WWC1: variants seen among roughly 807,000 people sequenced by gnomAD.
WWC1 encodes the protein protein KIBRA.
WWC1 carries 55 observed loss-of-function variants against 138.4 expected under a neutral mutation model. The ratio of observed to expected loss-of-function variants is 0.40; its 90% CI spans 0.32 to 0.50. WWC1 has a LOEUF of 0.50. Among genes scored for constraint, WWC1 ranks in the 20% least tolerant of loss-of-function variants. WWC1 has a pLI of 0.72. For synonymous variants in WWC1, 524 were observed against 564.9 expected, an observed-to-expected ratio of 0.93 and a Z score of 1.03; for missense variants, 1,226 against 1,420.4, an observed-to-expected ratio of 0.86 and a Z score of 2.20.
At chr5:168,448,326 C>T (rs1370327756) in intron 17 of WWC1, among the ~76,000 whole-genome samples, 1 of 152,200 alleles carries the variant, frequency 6.6e-6, no homozygotes, top group Non-Finnish European at 1.5e-5. Flanking sequence ...CACCCAAAAC[C>T]CGGCGTGTCA....
chr5:168,316,267 G>A (rs993044033), intron 1 of WWC1, among the ~76,000 whole-genome samples: 12 of 152,196 alleles, frequency 7.9e-5, no homozygotes, highest in Non-Finnish European at 1.5e-4. Context: ...TGTCTTCATC[G>A]CATCAGTGAA....
Position 168,292,345 on chromosome 5 carries a change from C to A in WWC1, c.119+74C>A. 1 of 1,516,358 alleles carries A rather than the reference C, an allele frequency of 6.6e-7. No individual in the cohort carries two copies. Among genetic ancestry groups the A allele is most frequent in the Non-Finnish European group, 8.9e-7 (1 of 1,126,584 alleles). The allele number at this position is 1,516,358 out of a possible 1,614,324, so 93.9% of individuals were successfully genotyped here. A position where few individuals can be genotyped will look rare whatever the true frequency, so the allele number is the denominator to read the frequency against. On this transcript the variant is annotated intron_variant, in intron 1 of 22. Transcript: ENST00000265293. This position sits in a 1 kb window ranked among gnomAD's most constrained non-coding sequence, Gnocchi z 4.4. ...CCCACCTGCCCCTGGAGCCGCCGGC[C>A]GGGACTGGGAGGGGGCAGGGGAGCT...
chr5:168,426,352 C>G (rs1399805187), intron 11 of WWC1, among the ~76,000 whole-genome samples: 1 of 152,150 alleles, frequency 6.6e-6, no homozygotes, highest in Non-Finnish European at 1.5e-5. Context: ...TAAGCCAAGT[C>G]AGGACACTCA....
intron 17 of WWC1, among the ~76,000 whole-genome samples, chr5:168,451,088 G>A (rs1363020445): frequency 8.4e-6 from 1 of 118,994 alleles, no homozygotes; most frequent in East Asian, 2.0e-4. Flanking sequence ...CTGCAATCTC[G>A]GCTCACTGCA....
intron 20 of WWC1, 122 bp downstream of exon 20, chr5:168,460,864 T>G: frequency 9.7e-7 from 1 of 1,035,370 alleles, no homozygotes; most frequent in South Asian, 1.5e-5. Flanking sequence ...GCTAGAAAAA[T>G]GTTGCTCTCT....
chr5:168,359,037 TGTGTGTGTG>T (rs2152798434), intron 1 of WWC1, among the ~76,000 whole-genome samples: 1 of 18,112 alleles, frequency 5.5e-5, no homozygotes, highest in South Asian at 2.7e-3. Flanking sequence ...TGGTGGGGTG[TGTGTGTGTG>T]TGTGTGTGTG....
intron 15 of WWC1, among the ~76,000 whole-genome samples, chr5:168,441,037 A>G (rs1223778719): frequency 6.6e-6 from 1 of 152,206 alleles, no homozygotes; most frequent in African/African-American, 2.4e-5. Context: ...GCATCACCGC[A>G]CTCCAGCCTG....
Position 168,381,630 on chromosome 5 carries a change from A to G in WWC1, c.230-3581A>G, listed in dbSNP as rs1777639134. Among the ~76,000 whole-genome samples, 3 of 152,218 alleles carry G rather than the reference A, an allele frequency of 2.0e-5. 1 individual carries two copies. In the South Asian group the frequency reaches 6.2e-4, roughly 32 times the overall value. On this transcript the variant is annotated intron_variant, in intron 2 of 22. Transcript: ENST00000265293. Reference sequence around the variant, plus strand: ...TTCTCCCGGGTGATTCTAATGTTCAACCAGGGGCTCTCAGCTATATCTGCA... The same window carrying G: ...TTCTCCCGGGTGATTCTAATGTTCAGCCAGGGGCTCTCAGCTATATCTGCA...
rs561310106 is a variant in WWC1 at position 168,428,245 on chromosome 5, G to A, written c.1919+104G>A. On this transcript the variant is annotated intron_variant, in intron 12 of 22. Transcript: ENST00000265293. ...AGGCTTAGGTTTTGGCCCCCACAGT[G>A]TGTGGGAGGAGCCCCAAGAGGGCAT... The A allele has an allele frequency of 1.4e-5, 16 of 1,152,746 alleles. No homozygotes were observed. The African/African-American group carries it at 2.5e-4, about 18-fold the overall frequency. The allele number at this position is 1,152,746 out of a possible 1,614,324, so 71.4% of individuals were successfully genotyped here. A position where few individuals can be genotyped will look rare whatever the true frequency, so the allele number is the denominator to read the frequency against.
intron 3 of WWC1, among the ~76,000 whole-genome samples, chr5:168,392,075 A>G (rs1180864093): frequency 2.6e-5 from 4 of 152,202 alleles, no homozygotes; most frequent in Non-Finnish European, 5.9e-5. Flanking sequence ...TTAAATCGAT[A>G]CAGTCAGGCA....
intron 1 of WWC1, among the ~76,000 whole-genome samples, chr5:168,302,349 G>A (rs577632634): frequency 9.8e-5 from 15 of 152,306 alleles, no homozygotes; most frequent in East Asian, 7.7e-4. Flanking sequence ...TTGCCAGAGC[G>A]GAGGATCAGA....
chr5:168,440,553 G>T (rs1196268796), intron 15 of WWC1, among the ~76,000 whole-genome samples: 2 of 152,106 alleles, frequency 1.3e-5, no homozygotes, highest in Admixed American at 1.3e-4. Flanking sequence ...TTTTGTTCTT[G>T]TTGCCCAGGC....
At chr5:168,414,222 G>T in intron 8 of WWC1, 126 bp from the exon 9 acceptor site, 1 of 1,392,930 alleles carries the variant, frequency 7.2e-7, no homozygotes, top group Non-Finnish European at 9.6e-7. Context: ...TCCTTGAGAT[G>T]ACAAGCTGAT....
intron 1 of WWC1, among the ~76,000 whole-genome samples, chr5:168,349,193 G>A (rs181328964): frequency 6.0e-4 from 91 of 152,166 alleles, no homozygotes; most frequent in Middle Eastern, 3.4e-3. Flanking sequence ...TTTCATTACC[G>A]AATTCCCATG....
intron 17 of WWC1, among the ~76,000 whole-genome samples, chr5:168,446,575 A>C (rs1353266840): frequency 6.6e-6 from 1 of 152,232 alleles, no homozygotes; most frequent in East Asian, 1.9e-4. Flanking sequence ...AATTTTCAGA[A>C]AGCAAAACTC....
chr5:168,441,688 G>T lies in WWC1; in HGVS notation c.2287G>T (p.Ala763Ser), dbSNP rs765296689. The change falls in exon 16 of 23, where the codon GCC becomes TCC. Residue 763 changes from alanine to serine, a missense_variant. By Grantham distance (99) the Ala-to-Ser change is moderately conservative. Coordinates refer to ENST00000265293, the MANE Select transcript of WWC1 (RefSeq NM_015238.3). Reference sequence around the variant, plus strand: ...TTGTTTCCATCCCCAACAGGGAGGCGCCCAGATCAGCCTGGCGGAGGTCTG... The same window carrying T: ...TTGTTTCCATCCCCAACAGGGAGGCTCCCAGATCAGCCTGGCGGAGGTCTG... ...RSHLEECLGG[A>S]QISLAEVCRS... 1 of 1,613,622 alleles carries T rather than the reference G, an allele frequency of 6.2e-7. No individual in the cohort carries two copies. The highest frequency in any genetic ancestry group is 1.7e-5 in the Admixed American group (1 of 59,966).
chr5:168,303,715 C>T (rs564171000), intron 1 of WWC1, among the ~76,000 whole-genome samples: 1 of 152,234 alleles, frequency 6.6e-6, no homozygotes, highest in African/African-American at 2.4e-5. Context: ...TTCATGGCCA[C>T]AGCAGGATCA....
chr5:168,325,069 A>T (rs984798557), intron 1 of WWC1, among the ~76,000 whole-genome samples: 1 of 152,176 alleles, frequency 6.6e-6, no homozygotes, highest in Non-Finnish European at 1.5e-5. Flanking sequence ...TCCAGTCCTG[A>T]TCTCCTTTGA....
At chr5:168,371,285 C>G in intron 1 of WWC1, 139 bp from the exon 2 acceptor site, 1 of 611,102 alleles carries the variant, frequency 1.6e-6, no homozygotes, top group Non-Finnish European at 3.0e-6. Flanking sequence ...AAGGGGACAA[C>G]AGAGCTGGTG....
Sources: allele counts gnomAD v4.1 joint callset (sites outside exome capture counted in the v4.1 genomes callset), GRCh38; gene constraint gnomAD v4.1.1; non-coding constraint Gnocchi (gnomAD v3.1); transcripts MANE v1.5; gene names NCBI Gene and HGNC (gene_info 2026-07-23, HGNC 2026-07-21).